The following MYO19 variants were observed in gnomAD, a reference collection of about 807,000 sequenced individuals.
The protein encoded by MYO19 is unconventional myosin-XIX.
MYO19 carries 132 observed loss-of-function variants against 129.2 expected under a neutral mutation model. The observed-to-expected ratio is 1.02, with a 90% CI of 0.89 to 1.18. The LOEUF (loss-of-function observed/expected upper bound fraction) is 1.18. Among genes scored for constraint, MYO19 ranks in the 50% most tolerant of loss-of-function variants. MYO19 has a pLI of 0.00. For missense variants in MYO19, 1,210 were observed against 1,216.7 expected (o/e 0.99, Z 0.08); for synonymous variants, 531 against 477.2 (o/e 1.11, Z -1.47).
At position 36,532,617 on chromosome 17, in the gene MYO19, G is replaced by A. The variant is rs949276456; in HGVS notation, c.-79C>T. On this transcript the variant is annotated 5_prime_UTR_variant, in exon 3 of 26. Transcript: ENST00000614623. The stretch of plus-strand genomic sequence containing the variant: ...CTATCCACCTAGTCATGGGACCATG[G>A]GCTGGGGTATGGTTCCAACAAAGGG... 55 of 1,507,364 alleles carry A rather than the reference G, an allele frequency of 3.6e-5. No individual in the cohort carries two copies. The highest frequency in any genetic ancestry group is 4.7e-5 in the Non-Finnish European group (52 of 1,107,136). 93.4% of individuals were successfully genotyped at this position (1,507,364 alleles called of 1,614,324 possible).
intron 6 of MYO19, 63 bp from the exon 7 acceptor site, chr17:36,516,053 G>A (rs1345977844): frequency 2.6e-6 from 4 of 1,522,540 alleles, no homozygotes; most frequent in Admixed American, 3.8e-5. Flanking sequence ...GAGCCTGCCT[G>A]AGAGAACAGT....
intron 15 of MYO19, 118 bp from the exon 16 acceptor site, chr17:36,507,630 A>G: frequency 7.5e-7 from 1 of 1,328,338 alleles, no homozygotes; most frequent in Non-Finnish European, 1.1e-6. Context: ...AAGAAACAAA[A>G]GTATATCAAA....
chr17:36,511,154 C>G lies in MYO19; in HGVS notation c.985+211G>C, dbSNP rs540954969. The G allele has an allele frequency of 8.9e-5, 60 of 670,664 alleles. No homozygotes were observed. The African/African-American group carries it at 1.0e-3, about 11-fold the overall frequency. 41.5% of individuals were successfully genotyped at this position (670,664 alleles called of 1,614,324 possible). ...ATGGGACAAATCACTTTACAAACCT[C>G]TGACTCATTTTCTCATCTTTAAGAT... On this transcript the variant is annotated intron_variant, in intron 12 of 25. Coordinates refer to ENST00000614623, the MANE Select transcript of MYO19 (RefSeq NM_001163735.2).
chr17:36,505,384 C>T lies in MYO19; in HGVS notation c.1818G>A (p.Leu606=). The T allele has an allele frequency of 6.2e-7, 1 of 1,614,168 alleles. No individual in the cohort carries two copies. The highest frequency in any genetic ancestry group is 1.3e-5 in the African/African-American group (1 of 75,048). The part of the protein sequence containing the change: ...SKFKASLEQL[L]QVLHSTTPHY... ...GGGGCGTGGTGCTGTGTAGGACCTG[C>T]AGAAGCTGCTCCAGTGAGGCCTGCA... The change falls in exon 19 of 26, where the codon CTG becomes CTA. Residue 606 remains leucine (L), a synonymous_variant. Coordinates refer to ENST00000614623, the MANE Select transcript of MYO19 (RefSeq NM_001163735.2).
At chr17:36,502,994 T>C (rs1022821541) in intron 21 of MYO19, 103 bp downstream of exon 21, 10 of 952,088 alleles carry the variant, frequency 1.1e-5, no homozygotes, top group Non-Finnish European at 1.7e-5. Context: ...GGGCTGTGTT[T>C]TATTCACCAG....
At chr17:36,499,647 T>G (rs2071328130) in intron 23 of MYO19, 1 of 148,736 alleles carries the variant, frequency 6.7e-6, no homozygotes, top group Non-Finnish European at 1.5e-5. Context: ...TTCAGCATAT[T>G]CTTTTTCTTT....
intron 6 of MYO19, among the ~76,000 whole-genome samples, chr17:36,517,526 C>T (rs1426537876): frequency 6.6e-6 from 1 of 152,184 alleles, no homozygotes; most frequent in Admixed American, 6.5e-5. Context: ...TCCCAAAGTG[C>T]TGGATTACAG....
Position 36,496,120 on chromosome 17 carries a change from G to C in MYO19, c.*131C>G. On this transcript the variant is annotated 3_prime_UTR_variant, in exon 26 of 26. Transcript: ENST00000614623. Reference sequence around the variant, plus strand: ...CTGGGCACGGGGCTCTGGGTCGAAGGCTGGAGCCGTCACTGTTGTTCATGT... The same window carrying C: ...CTGGGCACGGGGCTCTGGGTCGAAGCCTGGAGCCGTCACTGTTGTTCATGT... 1.6e-6 allele frequency: 2 copies of C among 1,287,448 alleles called. No individual in the cohort carries two copies. The highest frequency in any genetic ancestry group is 2.0e-5 in the Admixed American group (1 of 49,944). The allele number at this position is 1,287,448 out of a possible 1,614,324, so 79.8% of individuals were successfully genotyped here.
chr17:36,515,903 T>G lies in MYO19; in HGVS notation c.502A>C (p.Ile168Leu). Residue 168 changes from isoleucine (I) to leucine (L), a missense_variant, in exon 7 of 26, where the codon ATA (isoleucine) becomes CTA (leucine). Coordinates refer to ENST00000614623, the MANE Select transcript of MYO19 (RefSeq NM_001163735.2). ...SWESHKIAER[I>L]EQRILNSNPV... ...TTGGAGTTCAGGATCCTCTGTTCTA[T>G]CCTCTCTGCAATCTTGTGGCTCTCC... 1 of 1,613,868 alleles carries G rather than the reference T, an allele frequency of 6.2e-7. No individual in the cohort carries two copies. Among genetic ancestry groups the G allele is most frequent in the Non-Finnish European group, 8.5e-7 (1 of 1,179,802 alleles).
At chr17:36,510,579 G>A (rs1239040060) in intron 13 of MYO19, among the ~76,000 whole-genome samples, 167 bp downstream of exon 13, 1 of 152,232 alleles carries the variant, frequency 6.6e-6, no homozygotes, top group African/African-American at 2.4e-5. Flanking sequence ...AAACCTGGGA[G>A]CTGTGCCCTG....
At chr17:36,524,236 G>A (rs2073320886) in intron 6 of MYO19, among the ~76,000 whole-genome samples, 1 of 152,124 alleles carries the variant, frequency 6.6e-6, no homozygotes, top group Admixed American at 6.5e-5. Context: ...GCAACTTACT[G>A]TCTTTGTTTT....
At chr17:36,543,019 TTTTTG>T (rs2074205488) in intron 1 of MYO19, 1 of 151,738 alleles carries the variant, frequency 6.6e-6, no homozygotes, top group Admixed American at 6.6e-5. Flanking sequence ...CCCGTCCTGG[TTTTTG>T]TTTTGTTTTT....
intron 21 of MYO19, 125 bp from the exon 22 acceptor site, chr17:36,501,360 A>G: frequency 1.0e-6 from 1 of 998,802 alleles, no homozygotes; most frequent in Non-Finnish European, 1.4e-6. Flanking sequence ...GGCTCTAGCC[A>G]TTTTCTCCTT....
chr17:36,544,383 G>A (rs2074223552), upstream of MYO19, among the ~76,000 whole-genome samples: 1 of 152,182 alleles, frequency 6.6e-6, no homozygotes, highest in African/African-American at 2.4e-5. Context: ...ACCGTGGGAA[G>A]CGAATTCAGT....
In MYO19 at chr17:36,511,460, G is replaced by A. The variant is rs376072075; in HGVS notation, c.895-5C>T. The A allele has an allele frequency of 2.6e-5, 41 of 1,556,892 alleles. No homozygotes were observed. The highest frequency in any genetic ancestry group is 5.2e-6 in the Non-Finnish European group (6 of 1,150,184). On this transcript the variant is annotated splice_region_variant and splice_polypyrimidine_tract_variant and intron_variant, in intron 11 of 25. Transcript: ENST00000614623. ...GTGCAGCAGTCCAGCTAGGACCTGGGGGAAAGAAAAGGATGGGTGGGAGTA... is the reference window on the plus strand; with the variant it reads ...GTGCAGCAGTCCAGCTAGGACCTGGAGGAAAGAAAAGGATGGGTGGGAGTA...
At chr17:36,534,566 G>C (rs988752599) in intron 1 of MYO19, 195 bp downstream of exon 1, 2 of 152,324 alleles carry the variant, frequency 1.3e-5, no homozygotes, top group Non-Finnish European at 2.9e-5. Context: ...CTTGTTTCAA[G>C]CAAGAGCCAA....
rs983948534 is a variant in MYO19, at chr17:36,507,327, A to G, written c.1467+72T>C. 218 of 1,477,770 alleles carry G rather than the reference A, an allele frequency of 1.5e-4. 1 individual carries two copies. Among genetic ancestry groups the G allele is most frequent in the Non-Finnish European group, 2.0e-4 (211 of 1,065,584 alleles). The allele number at this position is 1,477,770 out of a possible 1,614,324, so 91.5% of individuals were successfully genotyped here. A position where few individuals can be genotyped will look rare whatever the true frequency, so the allele number is the denominator to read the frequency against. On this transcript the variant is annotated intron_variant, in intron 16 of 25. Coordinates refer to ENST00000614623, the MANE Select transcript of MYO19 (RefSeq NM_001163735.2). ...GAGGAGAGAGGCACAGAGAGGAAAC[A>G]GGATAATCATCAAGGCCCCAGAAAA...
chr17:36,527,481 G>A, intron 5 of MYO19, 70 bp downstream of exon 5: 1 of 1,523,986 alleles, frequency 6.6e-7, no homozygotes, highest in Non-Finnish European at 8.9e-7. Context: ...AATAAGGACA[G>A]GGGTAACTGC....
Position 36,503,168 on chromosome 17 carries a change from T to C in MYO19, c.2009A>G (p.Lys670Arg), listed in dbSNP as rs1402528271. The change falls in exon 21 of 26, where the codon AAG becomes AGG. Residue 670 changes from lysine (K) to arginine (R), a missense_variant. Transcript: ENST00000614623. ...VSHRNFVERYKLLRRLHPCTS... is the reference protein window; with the variant it reads ...VSHRNFVERYRLLRRLHPCTS... Reference sequence around the variant, plus strand: ...GCAAGGATGAAGCCTTCTTAGTAACTTGTATCGTTCTACAAAGTTTCGGTG... The same window carrying C: ...GCAAGGATGAAGCCTTCTTAGTAACCTGTATCGTTCTACAAAGTTTCGGTG... The C allele has an allele frequency of 1.2e-6, 2 of 1,614,018 alleles. No homozygotes were observed. Among genetic ancestry groups the C allele is most frequent in the Non-Finnish European group, 1.7e-6 (2 of 1,179,892 alleles).
Sources: gnomAD v4.1 joint callset for allele counts (sites outside exome capture counted in the v4.1 genomes callset) on GRCh38, gnomAD v4.1.1 for gene constraint, MANE v1.5 for transcripts, NCBI Gene and HGNC (gene_info 2026-07-23, HGNC 2026-07-21) for gene names.